PRDM6: variants seen among roughly 807,000 people sequenced by gnomAD.
The protein encoded by PRDM6 is putative histone-lysine N-methyltransferase PRDM6.
In PRDM6, 25 loss-of-function variants were observed where a neutral mutation model predicts 60.8. The observed-to-expected ratio is 0.41, with a 90% CI of 0.30 to 0.57. PRDM6 has a LOEUF of 0.57. Among genes scored for constraint, PRDM6 ranks in the 20% least tolerant of loss-of-function variants. The pLI is 0.27. For missense variants in PRDM6, 839 were observed against 821.3 expected, an observed-to-expected ratio of 1.02 and a Z score of -0.26; for synonymous variants, 407 against 357.4, an observed-to-expected ratio of 1.14 and a Z score of -1.57.
In PRDM6 at chr5:123,179,228, C is replaced by T. The variant is rs145647461; in HGVS notation, c.1497-919C>T. 5.4e-4 allele frequency among the ~76,000 whole-genome samples: 83 copies of T among 152,300 alleles called. 1 individual carries two copies. Among genetic ancestry groups the T allele is most frequent in the African/African-American group, 1.9e-3 (81 of 41,556 alleles). On this transcript the variant is annotated intron_variant, in intron 6 of 7. Transcript: ENST00000407847. ...CTTCTCGTGAGCTGGGAAGAATGTG[C>T]TCTGATAATCTTGCTAATTATCAGG... is the stretch of plus-strand genomic sequence containing the variant.
rs1766436094 is a variant in PRDM6, at chr5:123,191,702, T to TA, written c.*4504dup. ...CCTGGGTGATCATCAACCCAAAGTT[T>TA]AAAGTTCTCCCCTCACTAGCATTTA... On this transcript the variant is annotated 3_prime_UTR_variant, in exon 8 of 8. Transcript: ENST00000407847. The TA allele has an allele frequency of 6.6e-6, 1 of 152,130 alleles. No individual in the cohort carries two copies. The highest frequency in any genetic ancestry group is 1.5e-5 in the Non-Finnish European group (1 of 68,018). 9.4% of individuals were successfully genotyped at this position (152,130 alleles called of 1,614,324 possible).
At chr5:123,131,830 G>A (rs950806786) in intron 3 of PRDM6, among the ~76,000 whole-genome samples, 12 of 152,206 alleles carry the variant, frequency 7.9e-5, no homozygotes, top group Admixed American at 7.9e-4. Context: ...CTTATTATAT[G>A]TCTGGTACAG....
At chr5:123,186,320 T>G (rs1358572402) in intron 7 of PRDM6, among the ~76,000 whole-genome samples, 1 of 152,230 alleles carries the variant, frequency 6.6e-6, no homozygotes, top group Non-Finnish European at 1.5e-5. Context: ...GATATGGACA[T>G]GGGAGATAGG....
intron 7 of PRDM6, among the ~76,000 whole-genome samples, chr5:123,183,740 A>G (rs911449588): frequency 6.6e-6 from 1 of 152,224 alleles, no homozygotes. Context: ...GCAGGCAGGC[A>G]GGAAGGAAGG....
intron 5 of PRDM6, among the ~76,000 whole-genome samples, chr5:123,161,265 T>A (rs1765624527): frequency 6.6e-6 from 1 of 152,218 alleles, no homozygotes; most frequent in Non-Finnish European, 1.5e-5. Context: ...AAGGAACACC[T>A]ACCATGAGCC....
At chr5:123,098,596 G>C (rs1333777441) in intron 2 of PRDM6, among the ~76,000 whole-genome samples, 1 of 151,450 alleles carries the variant, frequency 6.6e-6, no homozygotes, top group East Asian at 1.9e-4. Flanking sequence ...CCGGAGGGTG[G>C]GGGTCCCTCT....
At chr5:123,142,893 A>AAC (rs1324708002) in intron 3 of PRDM6, among the ~76,000 whole-genome samples, 31 of 149,142 alleles carry the variant, frequency 2.1e-4, no homozygotes, top group Non-Finnish European at 3.0e-5. Context: ...AAAAAAAAAA[A>AAC]AAAAAAAAAC....
At chr5:123,094,456 C>G (rs995765058) in intron 2 of PRDM6, among the ~76,000 whole-genome samples, 1 of 150,694 alleles carries the variant, frequency 6.6e-6, no homozygotes, top group Admixed American at 6.6e-5. Context: ...CTCTCTCTCT[C>G]TCGCGTGTGT....
At position 123,171,122 on chromosome 5, in the gene PRDM6, T is replaced by C. The variant is rs1228440925; in HGVS notation, c.1496+14T>C. The C allele has an allele frequency of 1.3e-6, 2 of 1,513,668 alleles. No homozygotes were observed. Among genetic ancestry groups the C allele is most frequent in the African/African-American group, 2.8e-5 (2 of 72,326 alleles). 93.8% of individuals were successfully genotyped at this position (1,513,668 alleles called of 1,614,324 possible). On this transcript the variant is annotated intron_variant, in intron 6 of 7. Transcript: ENST00000407847. ...GAACCCCGACAGGTAACCCTGACTC[T>C]CACTGCTGACAGTGTGTTTGCTTAG...
chr5:123,112,339 C>T (rs1764332438), intron 3 of PRDM6, among the ~76,000 whole-genome samples: 1 of 152,170 alleles, frequency 6.6e-6, no homozygotes, highest in Non-Finnish European at 1.5e-5. Context: ...CAGTGCAGTC[C>T]TATATCATAT....
intron 7 of PRDM6, among the ~76,000 whole-genome samples, chr5:123,182,606 T>C (rs1369106324): frequency 6.6e-6 from 1 of 152,214 alleles, no homozygotes; most frequent in Admixed American, 6.5e-5. Context: ...TCCAATAGAG[T>C]TGCCATTTTA....
chr5:123,090,682 A>G (rs1580469771), intron 2 of PRDM6, 76 bp downstream of exon 2: 3 of 284,444 alleles, frequency 1.1e-5, no homozygotes, highest in Non-Finnish European at 1.5e-5. Context: ...CCTGTCAGGG[A>G]GGCGGGTCGG....
intron 2 of PRDM6, among the ~76,000 whole-genome samples, chr5:123,097,093 T>C (rs887520638): frequency 1.3e-5 from 2 of 152,238 alleles, no homozygotes; most frequent in African/African-American, 4.8e-5. Flanking sequence ...ATGGGCATAT[T>C]GCCTTTGCTT....
At chr5:123,111,691 A>C (rs1440714661) in intron 3 of PRDM6, among the ~76,000 whole-genome samples, 8 of 101,720 alleles carry the variant, frequency 7.9e-5, no homozygotes, top group South Asian at 7.8e-4. Context: ...GAGCGAGAAA[A>C]CAAAACAAAA....
chr5:123,090,399 G>C lies in PRDM6; in HGVS notation c.385G>C (p.Ala129Pro). The C allele has an allele frequency of 6.9e-7, 1 of 1,459,330 alleles. No homozygotes were observed. The highest frequency in any genetic ancestry group is 9.0e-7 in the Non-Finnish European group (1 of 1,112,160). The allele number at this position is 1,459,330 out of a possible 1,614,324, so 90.4% of individuals were successfully genotyped here. Residue 129 changes from alanine (A) to proline (P), a missense_variant, in exon 2 of 8, where the codon GCC (alanine) becomes CCC (proline). Ala to Pro is a conservative substitution (Grantham distance 27, BLOSUM62 -1). Around this residue, in one of 2 missense-constraint regions of PRDM6, gnomAD observed 730 missense variants for 648.8 expected, o/e 1.13. Coordinates refer to ENST00000407847, the MANE Select transcript of PRDM6 (RefSeq NM_001136239.4). ...GCCTCTAGCCGCCGCTGCCGTCGCC[G>C]CCGAGCCGCTGCCCCCCAAGGAACT... ...FAPLAAAAVA[A>P]EPLPPKELCL...
intron 3 of PRDM6, among the ~76,000 whole-genome samples, chr5:123,130,826 C>T (rs1375297514): frequency 1.3e-5 from 2 of 152,208 alleles, no homozygotes; most frequent in African/African-American, 4.8e-5. Context: ...CTCGGCCTCC[C>T]AAAGTGCTGG....
chr5:123,146,013 G>A (rs1765230241), intron 3 of PRDM6, among the ~76,000 whole-genome samples: 1 of 152,182 alleles, frequency 6.6e-6, no homozygotes, highest in African/African-American at 2.4e-5. Context: ...GTGTGTGTCT[G>A]CGCATGTATA....
At position 123,101,041 on chromosome 5, in the gene PRDM6, C is replaced by T. The variant is rs529111418; in HGVS notation, c.900+1080C>T. Among the ~76,000 whole-genome samples, 51 of 152,284 alleles carry T rather than the reference C, an allele frequency of 3.3e-4. No individual in the cohort carries two copies. The South Asian group carries it at 0.01, about 31-fold the overall frequency. ...GAACCCCTGGGCTCCATTAATGCATCGTTTCTGCAAGAGATTGCCTCTCAT... is the reference window on the plus strand; with the variant it reads ...GAACCCCTGGGCTCCATTAATGCATTGTTTCTGCAAGAGATTGCCTCTCAT... On this transcript the variant is annotated intron_variant, in intron 3 of 7. Coordinates refer to ENST00000407847, the MANE Select transcript of PRDM6 (RefSeq NM_001136239.4).
intron 5 of PRDM6, among the ~76,000 whole-genome samples, chr5:123,160,352 G>T (rs536990356): frequency 1.4e-4 from 22 of 152,288 alleles, no homozygotes; most frequent in Non-Finnish European, 2.9e-4. Context: ...ATTTTAAAGT[G>T]ATTTCGTATT....
Sources: allele counts gnomAD v4.1 joint callset (sites outside exome capture counted in the v4.1 genomes callset), GRCh38; gene constraint gnomAD v4.1.1; regional missense constraint gnomAD v4.1.1; transcripts MANE v1.5; gene names NCBI Gene and HGNC (gene_info 2026-07-23, HGNC 2026-07-21).